GNPDA1: variants seen among roughly 807,000 people sequenced by gnomAD.
GNPDA1 encodes the protein glucosamine-6-phosphate deaminase 1.
Under a neutral mutation model 28.5 loss-of-function variants are expected in GNPDA1, and 24 were observed. The observed-to-expected ratio is 0.84, with a 90% CI of 0.61 to 1.19. GNPDA1 has a LOEUF of 1.19. Among genes scored for constraint, GNPDA1 ranks in the 50% most tolerant of loss-of-function variants. The pLI is 0.00. For synonymous variants in GNPDA1, 147 were observed against 139.3 expected (o/e 1.06, Z -0.39); for missense variants, 264 against 367.3 (o/e 0.72, Z 2.30).
rs749233775 is a variant in GNPDA1 at position 142,003,137 on chromosome 5, G to A, written c.720C>T (p.Asp240=). Residue 240 remains aspartate, a synonymous_variant, in exon 6 of 7, where the codon GAC becomes GAT. Coordinates refer to ENST00000311337, the MANE Select transcript of GNPDA1 (RefSeq NM_005471.5). This position sits in a 1 kb window ranked among gnomAD's most constrained non-coding sequence, Gnocchi z 4.0. ...CTTTCAGCTCCAAGGTGGCATCCTC[G>A]TCACACACAAACACGGTGCGGGGAT... ...QQHPRTVFVC[D]EDATLELKVK... is the part of the protein sequence containing the mutation. 8.1e-6 allele frequency: 13 copies of A among 1,613,872 alleles called. No individual in the cohort carries two copies. Among genetic ancestry groups the A allele is most frequent in the Middle Eastern group, 1.6e-4 (1 of 6,084 alleles).
In GNPDA1 at chr5:142,002,004, A is replaced by G; in HGVS notation, c.*25T>C. The stretch of plus-strand genomic sequence containing the variant: ...GAAAGACCTGCCTTTCCCTATGGGT[A>G]CTTGACACTAGGTCCCAGCACAGGC... On this transcript the variant is annotated 3_prime_UTR_variant, in exon 7 of 7. Transcript: ENST00000311337. 1 of 1,162,998 alleles carries G rather than the reference A, an allele frequency of 8.6e-7. No individual in the cohort carries two copies. The highest frequency in any genetic ancestry group is 1.8e-5 in the Admixed American group (1 of 55,156). The allele number at this position is 1,162,998 out of a possible 1,614,324, so 72.0% of individuals were successfully genotyped here.
intron 3 of GNPDA1, among the ~76,000 whole-genome samples, chr5:142,007,512 A>C (rs1755836791): frequency 6.6e-6 from 1 of 152,212 alleles, no homozygotes; most frequent in Non-Finnish European, 1.5e-5. Context: ...GTTGAGGAGC[A>C]GGCAGAGGAG....
Position 142,001,413 on chromosome 5 carries a change from T to C in GNPDA1, c.*616A>G, listed in dbSNP as rs1000363633. On this transcript the variant is annotated 3_prime_UTR_variant, in exon 7 of 7. Transcript: ENST00000311337. ...GATTTATCAATAGAAGCCTCCTCTT[T>C]GGCCCCACCCACCCAAATCCACCCC... 6.6e-6 allele frequency: 1 copy of C among 152,328 alleles called. No homozygotes were observed. The highest frequency in any genetic ancestry group is 1.5e-5 in the Non-Finnish European group (1 of 68,042). 9.4% of individuals were successfully genotyped at this position (152,328 alleles called of 1,614,324 possible).
intron 5 of GNPDA1, 37 bp downstream of exon 5, chr5:142,004,895 C>G (rs765673266): frequency 7.1e-7 from 1 of 1,415,540 alleles, no homozygotes; most frequent in Non-Finnish European, 9.7e-7. Context: ...AAAGACAAGT[C>G]CACCAGCGCA....
intron 6 of GNPDA1, among the ~76,000 whole-genome samples, chr5:142,002,496 T>G (rs1232168340): frequency 6.6e-6 from 1 of 152,228 alleles, no homozygotes; most frequent in Non-Finnish European, 1.5e-5. Context: ...CTCACACCTA[T>G]GATCCTAGCA....
chr5:142,012,040 T>C lies in GNPDA1; in HGVS notation c.-5A>G. On this transcript the variant is annotated splice_region_variant and 5_prime_UTR_variant, in exon 2 of 7. Coordinates refer to ENST00000311337, the MANE Select transcript of GNPDA1 (RefSeq NM_005471.5). ...CTCCAGGATGATGAGCTTCATCTTG[T>C]CCTGCAGTGGGGGAGAGGGGATGAC... is the stretch of plus-strand genomic sequence containing the variant. The C allele has an allele frequency of 6.3e-7, 1 of 1,588,074 alleles. No individual in the cohort carries two copies. The highest frequency in any genetic ancestry group is 8.6e-7 in the Non-Finnish European group (1 of 1,158,796).
intron 3 of GNPDA1, among the ~76,000 whole-genome samples, chr5:142,007,478 T>C (rs1428107380): frequency 1.3e-5 from 2 of 152,156 alleles, no homozygotes; most frequent in East Asian, 3.8e-4. Flanking sequence ...TGCAATCATT[T>C]GTTCCAGAAA....
intron 2 of GNPDA1, among the ~76,000 whole-genome samples, chr5:142,010,068 G>C (rs1755905796): frequency 6.6e-6 from 1 of 152,250 alleles, no homozygotes; most frequent in Admixed American, 6.5e-5. Flanking sequence ...TGAGACATTG[G>C]TAGTTTCACA....
intron 1 of GNPDA1, chr5:142,012,257 T>C: frequency 2.3e-6 from 1 of 425,932 alleles, no homozygotes; most frequent in South Asian, 4.3e-5. Context: ...TGGGGGCAGA[T>C]CTGGGTTCTA....
At chr5:142,011,699 T>C (rs1318307157) in intron 2 of GNPDA1, 3 of 484,816 alleles carry the variant, frequency 6.2e-6, no homozygotes, top group South Asian at 3.3e-5. Context: ...AGATCCCTTC[T>C]GCTCCAGGAT....
At chr5:142,012,260 G>A (rs987442816) in intron 1 of GNPDA1, 22 of 419,398 alleles carry the variant, frequency 5.2e-5, no homozygotes, top group African/African-American at 3.9e-4. Flanking sequence ...GGGCAGATCT[G>A]GGTTCTAATC....
intron 5 of GNPDA1, 24 bp downstream of exon 5, chr5:142,004,908 C>T: frequency 6.5e-7 from 1 of 1,527,800 alleles, no homozygotes; most frequent in Non-Finnish European, 8.9e-7. Flanking sequence ...CCAGCGCAAG[C>T]TGGTGGGGCC....
intron 2 of GNPDA1, among the ~76,000 whole-genome samples, chr5:142,010,924 A>G (rs182082302): frequency 1.3e-5 from 2 of 152,220 alleles, no homozygotes; most frequent in Admixed American, 1.3e-4. Context: ...TTTTATTGGC[A>G]TACAACCATA....
rs377368176 is a variant in GNPDA1, at chr5:142,007,750, G to A, written c.226+49C>T. 156 of 1,109,822 alleles carry A rather than the reference G, an allele frequency of 1.4e-4. No individual in the cohort carries two copies. In the African/African-American group the frequency reaches 2.2e-3, roughly 15 times the overall value. 68.7% of individuals were successfully genotyped at this position (1,109,822 alleles called of 1,614,324 possible). A position where few individuals can be genotyped will look rare whatever the true frequency, so the allele number is the denominator to read the frequency against. ...CAGGACTGGGCCAATGAGAGGAGGA[G>A]CATCACTCTCCTAGAATCAGGAAAG... is the stretch of plus-strand genomic sequence containing the variant. On this transcript the variant is annotated intron_variant, in intron 3 of 6. Coordinates refer to ENST00000311337, the MANE Select transcript of GNPDA1 (RefSeq NM_005471.5).
chr5:142,005,294 C>A (rs562774648), intron 4 of GNPDA1, 178 bp from the exon 5 acceptor site: 2 of 501,242 alleles, frequency 4.0e-6, no homozygotes, highest in Non-Finnish European at 7.2e-6. Context: ...CCCTCCCTAC[C>A]ATTTCTTTCT....
At chr5:142,005,912 GA>G (rs1185202649) in intron 4 of GNPDA1, 1 of 430,406 alleles carries the variant, frequency 2.3e-6, no homozygotes. Flanking sequence ...CAGAATCTCA[GA>G]GTCCAAACCC....
Position 142,005,009 on chromosome 5 carries a change from A to T in GNPDA1, c.517T>A (p.Phe173Ile). The T allele has an allele frequency of 6.2e-7, 1 of 1,613,676 alleles. No homozygotes were observed. The highest frequency in any genetic ancestry group is 1.1e-5 in the South Asian group (1 of 91,042). ...ACCTTGGTGAGTTCTCCATCGAAGA[A>T]CCTAGCATTGGCCAGGATGGTATCC... The part of the protein sequence containing the change: ...AMDTILANAR[F>I]FDGELTKVPT... Residue 173 changes from phenylalanine (F) to isoleucine (I), a missense_variant, in exon 5 of 7, where the codon TTC (phenylalanine) becomes ATC (isoleucine). Physicochemically the swap from Phe to Ile is conservative, Grantham distance 21. Transcript: ENST00000311337.
intron 6 of GNPDA1, 99 bp from the exon 7 acceptor site, chr5:142,002,228 G>C: frequency 1.6e-6 from 1 of 640,800 alleles, no homozygotes; most frequent in East Asian, 2.7e-5. Context: ...TTTTGTCTTA[G>C]AGCTGACACT....
rs1402361967 is a variant in GNPDA1, at chr5:142,005,004, G to A, written c.522C>T (p.Phe174=). 15 of 1,613,392 alleles carry A rather than the reference G, an allele frequency of 9.3e-6. No individual in the cohort carries two copies. The highest frequency in any genetic ancestry group is 1.3e-5 in the African/African-American group (1 of 74,910). The change falls in exon 5 of 7, where the codon TTC becomes TTT. Residue 174 remains phenylalanine (F), a synonymous_variant. Transcript: ENST00000311337. ...MDTILANARF[F]DGELTKVPTM... is the part of the protein sequence containing the mutation. Reference sequence around the variant, plus strand: ...TGGGCACCTTGGTGAGTTCTCCATCGAAGAACCTAGCATTGGCCAGGATGG... The same window carrying A: ...TGGGCACCTTGGTGAGTTCTCCATCAAAGAACCTAGCATTGGCCAGGATGG...
Sources: allele counts gnomAD v4.1 joint callset (sites outside exome capture counted in the v4.1 genomes callset), GRCh38; gene constraint gnomAD v4.1.1; non-coding constraint Gnocchi (gnomAD v3.1); transcripts MANE v1.5; gene names NCBI Gene and HGNC (gene_info 2026-07-23, HGNC 2026-07-21).